Variants in SPAG1 observed in about 807,000 individuals in gnomAD.
SPAG1 encodes the protein sperm associated antigen 1.
A neutral mutation model predicts 100.5 loss-of-function variants in SPAG1; 69 were observed. The observed-to-expected ratio is 0.69, with a 90% CI of 0.57 to 0.84. SPAG1 has a LOEUF of 0.84. SPAG1 is among the 40% of genes least tolerant of loss of function. The pLI is 0.00. For missense variants in SPAG1, 955 were observed against 1,133.1 expected, an observed-to-expected ratio of 0.84 and a Z score of 2.26; for synonymous variants, 336 against 411.6, an observed-to-expected ratio of 0.82 and a Z score of 2.22.
intron 10 of SPAG1, among the ~76,000 whole-genome samples, chr8:100,204,737 G>A (rs370809114): frequency 6.6e-6 from 1 of 152,164 alleles, no homozygotes; most frequent in African/African-American, 2.4e-5. Context: ...TGAATGCCTT[G>A]TAAAATAGAT....
intron 10 of SPAG1, among the ~76,000 whole-genome samples, chr8:100,209,080 C>T (rs547794155): frequency 2.0e-5 from 3 of 152,064 alleles, no homozygotes; most frequent in East Asian, 3.9e-4. Flanking sequence ...CAGCTGCCAG[C>T]GAATATAAAG....
At position 100,174,306 on chromosome 8, in the gene SPAG1, G is replaced by T. The variant is rs555733639; in HGVS notation, c.301-3510G>T. On this transcript the variant is annotated intron_variant, in intron 3 of 18. Coordinates refer to ENST00000388798, the MANE Select transcript of SPAG1 (RefSeq NM_003114.5). ...AAAATGTTATTAGGAAAATCATAAG[G>T]AAGAGAATATATATTTACAATGTAT... 2.3e-4 allele frequency among the ~76,000 whole-genome samples: 35 copies of T among 152,290 alleles called. 1 individual carries two copies. Among genetic ancestry groups the T allele is most frequent in the Admixed American group, 2.2e-3 (34 of 15,300 alleles).
chr8:100,207,178 C>G (rs976595717), intron 10 of SPAG1, among the ~76,000 whole-genome samples: 22 of 152,322 alleles, frequency 1.4e-4, no homozygotes, highest in Middle Eastern at 3.4e-3. Flanking sequence ...TGAGTGCTTT[C>G]TGACCCATCT....
intron 3 of SPAG1, among the ~76,000 whole-genome samples, chr8:100,168,886 C>T (rs1815694227): frequency 6.6e-6 from 1 of 151,648 alleles, no homozygotes; most frequent in African/African-American, 2.4e-5. Flanking sequence ...AAGGTTTCTC[C>T]ATGTTGGTCA....
At chr8:100,215,134 T>C (rs1247877971) in intron 12 of SPAG1, among the ~76,000 whole-genome samples, 1 of 150,286 alleles carries the variant, frequency 6.7e-6, no homozygotes, top group Non-Finnish European at 1.5e-5. Flanking sequence ...GCTGTAATTT[T>C]ATATCCTTTA....
intron 3 of SPAG1, among the ~76,000 whole-genome samples, chr8:100,166,732 G>A (rs1815576480): frequency 1.3e-5 from 2 of 152,064 alleles, no homozygotes; most frequent in Admixed American, 1.3e-4. Flanking sequence ...AACATAGGTA[G>A]AGCTGTCTCT....
chr8:100,178,030 T>C, intron 4 of SPAG1, 89 bp downstream of exon 4: 17 of 1,068,588 alleles, frequency 1.6e-5, no homozygotes, highest in Admixed American at 4.3e-5. Flanking sequence ...TGGAGCAGCC[T>C]ATGTGTGATG....
rs1819254206 is a variant in SPAG1 at position 100,241,098 on chromosome 8, T to C, written c.*76T>C. ...TTAATGAGATGGTATTGTAAAAGAG[T>C]TGCATGGATAAAACTTGGCCTAGAA... On this transcript the variant is annotated 3_prime_UTR_variant, in exon 19 of 19. Transcript: ENST00000388798. The surrounding 1 kb of genome is among the most constrained non-coding windows in gnomAD (Gnocchi z 5.1). 1 of 1,503,980 alleles carries C rather than the reference T, an allele frequency of 6.6e-7. No homozygotes were observed. The allele number at this position is 1,503,980 out of a possible 1,614,324, so 93.2% of individuals were successfully genotyped here.
chr8:100,162,778 G>A (rs978906072), intron 2 of SPAG1, among the ~76,000 whole-genome samples: 10 of 152,112 alleles, frequency 6.6e-5, no homozygotes, highest in South Asian at 2.1e-4. Context: ...AGGAGTTCAA[G>A]ACCAGCCTGA....
At position 100,184,705 on chromosome 8, in the gene SPAG1, T is replaced by G; in HGVS notation, c.673T>G (p.Tyr225Asp). 1.9e-6 allele frequency: 3 copies of G among 1,588,546 alleles called. No homozygotes were observed. The South Asian group carries it at 3.5e-5, about 19-fold the overall frequency. The change falls in exon 7 of 19, where the codon TAT becomes GAT. Residue 225 changes from tyrosine to aspartate, a missense_variant. Transcript: ENST00000388798. The part of the protein sequence containing the change: ...KGNEAFNSGD[Y>D]EEAVMYYTRS... ...AAATGAAGCTTTCAACTCAGGAGAT[T>G]ATGAAGAAGCAGTGATGTATTATAC... is the stretch of plus-strand genomic sequence containing the variant.
intron 12 of SPAG1, among the ~76,000 whole-genome samples, chr8:100,216,289 T>C (rs1333071450): frequency 6.6e-6 from 1 of 152,150 alleles, no homozygotes; most frequent in Non-Finnish European, 1.5e-5. Flanking sequence ...TTCAGACTTG[T>C]TTTAGGCCTT....
At chr8:100,159,076 C>T (rs1815195022) in intron 1 of SPAG1, 1 of 151,730 alleles carries the variant, frequency 6.6e-6, no homozygotes, top group Non-Finnish European at 1.5e-5. Flanking sequence ...TGTTTTTAAT[C>T]ACATTTTATT....
Position 100,240,998 on chromosome 8 carries a change from C to A in SPAG1, c.2757C>A (p.Ala919=). The A allele has an allele frequency of 6.2e-7, 1 of 1,610,856 alleles. No homozygotes were observed. The highest frequency in any genetic ancestry group is 1.1e-5 in the South Asian group (1 of 90,508). Residue 919 remains alanine (A), a synonymous_variant, in exon 19 of 19, where the codon GCC becomes GCA. Transcript: ENST00000388798. ...NNHFTLEDIQ[A]LKRQYEL is the part of the protein sequence containing the mutation. ...ATTTTACTTTAGAAGATATACAGGCCCTAAAAAGGCAGTATGAGCTTTAAA... is the reference window on the plus strand; with the variant it reads ...ATTTTACTTTAGAAGATATACAGGCACTAAAAAGGCAGTATGAGCTTTAAA...
chr8:100,234,634 A>G (rs1233431894), intron 16 of SPAG1, among the ~76,000 whole-genome samples: 1 of 152,220 alleles, frequency 6.6e-6, no homozygotes, highest in Non-Finnish European at 1.5e-5. Context: ...ATTTGTGTAT[A>G]TATTCACCAG....
chr8:100,221,578 CAAA>C (rs1563807327), intron 13 of SPAG1, among the ~76,000 whole-genome samples: 1 of 151,460 alleles, frequency 6.6e-6, no homozygotes, highest in Non-Finnish European at 1.5e-5. Context: ...TTGATCCTCT[CAAA>C]AAAGAAAAAA....
chr8:100,229,134 G>A lies in SPAG1; in HGVS notation c.1856-2022G>A, dbSNP rs113158133. ...TTAAGAATGAGGAAGTAGGCCGGGCGTGGTGGCTCACGCCTGTAATCACAG... is the reference window on the plus strand; with the variant it reads ...TTAAGAATGAGGAAGTAGGCCGGGCATGGTGGCTCACGCCTGTAATCACAG... On this transcript the variant is annotated intron_variant, in intron 14 of 18. Transcript: ENST00000388798. Among the ~76,000 whole-genome samples, 15 of 152,330 alleles carry A rather than the reference G, an allele frequency of 9.8e-5. No individual in the cohort carries two copies. In the East Asian group the frequency reaches 1.2e-3, roughly 12 times the overall value.
intron 10 of SPAG1, among the ~76,000 whole-genome samples, chr8:100,202,705 G>T (rs1297656513): frequency 1.2e-5 from 1 of 81,132 alleles, no homozygotes; most frequent in African/African-American, 5.5e-5. Context: ...GCGAGACTCC[G>T]TCTCAAAAAA....
chr8:100,230,385 C>T (rs17336058), intron 14 of SPAG1, among the ~76,000 whole-genome samples: 26,324 of 152,184 alleles, frequency 0.17, 2,438 homozygotes, highest in Middle Eastern at 0.22. Flanking sequence ...ACTGTAAAAG[C>T]GCTGTGTGAG....
chr8:100,210,425 T>G (rs1261184972), intron 10 of SPAG1, among the ~76,000 whole-genome samples: 2 of 152,188 alleles, frequency 1.3e-5, no homozygotes, highest in African/African-American at 4.8e-5. Context: ...TGCTGAGGAT[T>G]TTTGGTCTAT....
Sources: allele counts gnomAD v4.1 joint callset (sites outside exome capture counted in the v4.1 genomes callset), GRCh38; gene constraint gnomAD v4.1.1; non-coding constraint Gnocchi (gnomAD v3.1); transcripts MANE v1.5; gene names NCBI Gene and HGNC (gene_info 2026-07-23, HGNC 2026-07-21).